The following FUS variants were observed in gnomAD, a reference collection of about 807,000 sequenced individuals.
FUS encodes FUS RNA binding protein.
In FUS, 5 loss-of-function variants were observed where a neutral mutation model predicts 82.7. The ratio of observed to expected loss-of-function variants is 0.06; its 90% confidence interval spans 0.03 to 0.13. The LOEUF (loss-of-function observed/expected upper bound fraction) is 0.13. Ranked by LOEUF, FUS falls within the 10% of genes least tolerant of loss-of-function variation. FUS has a pLI of 1.00. For missense variants in FUS, 512 were observed against 707.8 expected (o/e 0.72, Z 3.14); for synonymous variants, 281 against 247.4 (o/e 1.14, Z -1.27).
intron 1 of FUS, 80 bp downstream of exon 1, chr16:31,180,307 G>C (rs973773422): frequency 3.3e-6 from 5 of 1,530,886 alleles, no homozygotes; most frequent in Non-Finnish European, 4.4e-6. Context: ...CAGTGGGACC[G>C]GGGCGGCGAT....
intron 5 of FUS, 57 bp from the exon 6 acceptor site, chr16:31,184,882 G>A (rs572033732): frequency 6.4e-7 from 1 of 1,574,376 alleles, no homozygotes; most frequent in African/African-American, 1.4e-5. Flanking sequence ...AAACCTTTTA[G>A]TGCTACTTTA....
Position 31,183,861 on chromosome 16 carries a change from G to A in FUS, c.194G>A (p.Gly65Asp), listed in dbSNP as rs2079218084. ...YSSYGQSQNT[G>D]YGTQSTPQGY... ...TCCCTTTTTCTTATCCTGGTAGCAG[G>A]CTATGGAACTCAGTCAACTCCCCAG... The change falls in exon 4 of 15, where the codon GGC becomes GAC. Residue 65 changes from glycine (G) to aspartate (D), a missense_variant. Gly to Asp is a moderately conservative substitution (Grantham distance 94). Coordinates refer to ENST00000254108, the MANE Select transcript of FUS (RefSeq NM_004960.4). The A allele has an allele frequency of 6.2e-7, 1 of 1,613,962 alleles. No homozygotes were observed. Among genetic ancestry groups the A allele is most frequent in the South Asian group, 1.1e-5 (1 of 91,084 alleles).
Position 31,182,404 on chromosome 16 carries a change from C to T in FUS, c.20C>T (p.Thr7Ile). 1 of 1,614,170 alleles carries T rather than the reference C, an allele frequency of 6.2e-7. No individual in the cohort carries two copies. The highest frequency in any genetic ancestry group is 8.5e-7 in the Non-Finnish European group (1 of 1,180,008). The change falls in exon 2 of 15, where the codon ACC (threonine) becomes ATC (isoleucine). Residue 7 changes from threonine to isoleucine, a missense_variant. By Grantham distance (89) the Thr-to-Ile change is moderately conservative. This residue lies in a region of FUS where 276 missense variants were observed against 303.3 expected (regional missense o/e 0.91). Transcript: ENST00000254108. Reference sequence around the variant, plus strand: ...TTGTATTTTTCTTTTGCAGATTATACCCAACAAGCAACCCAAAGGTGAGTG... The same window carrying T: ...TTGTATTTTTCTTTTGCAGATTATATCCAACAAGCAACCCAAAGGTGAGTG... MASNDY[T>I]QQATQSYGAY...
intron 9 of FUS, 113 bp from the exon 10 acceptor site, chr16:31,189,552 G>C (rs1313922120): frequency 3.5e-6 from 5 of 1,430,306 alleles, no homozygotes; most frequent in African/African-American, 1.4e-5. Flanking sequence ...GAAGTAACTG[G>C]GAAGAGGGGA....
chr16:31,190,955 T>C lies in FUS; in HGVS notation c.1394-8T>C. Reference sequence around the variant, plus strand: ...GGAATATGATAGATCTTGTTTCTTTTGTCCTAGGGGGTAACTACGGGGATG... The same window carrying C: ...GGAATATGATAGATCTTGTTTCTTTCGTCCTAGGGGGTAACTACGGGGATG... On this transcript the variant is annotated splice_region_variant and splice_polypyrimidine_tract_variant and intron_variant, in intron 13 of 14. Coordinates refer to ENST00000254108, the MANE Select transcript of FUS (RefSeq NM_004960.4). 1.2e-6 allele frequency: 2 copies of C among 1,610,282 alleles called. No homozygotes were observed. The highest frequency in any genetic ancestry group is 1.7e-6 in the Non-Finnish European group (2 of 1,177,380).
Position 31,190,413 on chromosome 16 carries a change from AT to A in FUS, c.1292+22del, listed in dbSNP as rs572228309. ...TGTCCTAATCCGTGAGTGAAACTTA[AT>A]TTTTTTCTTAGTTCTCTTGCATGCG... On this transcript the variant is annotated intron_variant, in intron 12 of 14. Coordinates refer to ENST00000254108, the MANE Select transcript of FUS (RefSeq NM_004960.4). 1 of 1,613,952 alleles carries A rather than the reference AT, an allele frequency of 6.2e-7. No individual in the cohort carries two copies. Among genetic ancestry groups the A allele is most frequent in the Non-Finnish European group, 8.5e-7 (1 of 1,179,962 alleles).
chr16:31,194,271 C>T (rs1412710581), downstream of FUS: 4 of 530,534 alleles, frequency 7.5e-6, no homozygotes, highest in Admixed American at 2.2e-5. Context: ...GGCATGTCTT[C>T]CTTCCAGTCT....
intron 6 of FUS, chr16:31,185,541 A>G (rs1567473047): frequency 5.4e-6 from 3 of 556,826 alleles, no homozygotes; most frequent in South Asian, 3.1e-5. Flanking sequence ...CTCCTGGGAA[A>G]TAGTAGGGAA....
At chr16:31,189,603 G>T in intron 9 of FUS, 62 bp from the exon 10 acceptor site, 1 of 1,610,772 alleles carries the variant, frequency 6.2e-7, no homozygotes, top group Non-Finnish European at 8.5e-7. Flanking sequence ...TCTAGAGGAA[G>T]AAGATGGAAA....
intron 7 of FUS, chr16:31,187,862 A>G (rs974835012): frequency 2.4e-5 from 6 of 247,338 alleles, no homozygotes; most frequent in African/African-American, 4.4e-5. Context: ...TAAAGATGAA[A>G]TTAAAAATTG....
At chr16:31,184,586 G>A (rs2079233903) in intron 5 of FUS, among the ~76,000 whole-genome samples, 190 bp downstream of exon 5, 1 of 152,120 alleles carries the variant, frequency 6.6e-6, no homozygotes, top group African/African-American at 2.4e-5. Context: ...TGGGACTACA[G>A]GCATCCGCCA....
At position 31,191,347 on chromosome 16, in the gene FUS, G is replaced by A. The variant is rs1375216740; in HGVS notation, c.1542-52G>A. ...CAGATAGGATATCTAGGCTTGGAGA[G>A]GCTGGTAACTCAAATATAATGGATA... On this transcript the variant is annotated intron_variant, in intron 14 of 14. Coordinates refer to ENST00000254108, the MANE Select transcript of FUS (RefSeq NM_004960.4). The A allele has an allele frequency of 3.1e-6, 5 of 1,607,610 alleles. No individual in the cohort carries two copies. The East Asian group carries it at 8.9e-5, about 29-fold the overall frequency.
chr16:31,188,847 TTC>T, intron 8 of FUS: 1 of 517,646 alleles, frequency 1.9e-6, no homozygotes, highest in East Asian at 3.3e-5. Flanking sequence ...TGATGGACTT[TTC>T]TGTGTGGTCT....
downstream of FUS, chr16:31,193,512 C>T: frequency 1.9e-6 from 1 of 529,540 alleles, no homozygotes; most frequent in South Asian, 1.5e-5. Flanking sequence ...CTGATGCCCT[C>T]CTGTTAGGAG....
chr16:31,190,301 G>GGTGGTGGCA lies in FUS; in HGVS notation c.1203_1211dup (p.Ser402_Gly404dup), dbSNP rs1373638313. ...ACCCATGGGCCGTGGAGGCTATGGAGGTGGTGGCAGTGGTGGTGGTGGCCG... is the reference window on the plus strand; with the variant it reads ...ACCCATGGGCCGTGGAGGCTATGGAGGTGGTGGCAGTGGTGGCAGTGGTGGTGGTGGCCG... On this transcript the variant is annotated inframe_insertion, in exon 12 of 15. Transcript: ENST00000254108. The GGTGGTGGCA allele has an allele frequency of 1.2e-6, 2 of 1,614,202 alleles. No individual in the cohort carries two copies. Among genetic ancestry groups the GGTGGTGGCA allele is most frequent in the Non-Finnish European group, 1.7e-6 (2 of 1,180,036 alleles).
Position 31,180,140 on chromosome 16 carries a change from C to A in FUS, c.-75C>A. ...AGCTTCGACGCAGGAGGCGGGGCTGCTCAGTCCTCCAGGCGTCGGTACTCA... is the reference window on the plus strand; with the variant it reads ...AGCTTCGACGCAGGAGGCGGGGCTGATCAGTCCTCCAGGCGTCGGTACTCA... On this transcript the variant is annotated 5_prime_UTR_variant, in exon 1 of 15. Transcript: ENST00000254108. The A allele has an allele frequency of 6.3e-7, 1 of 1,577,040 alleles. No homozygotes were observed. The highest frequency in any genetic ancestry group is 1.1e-5 in the South Asian group (1 of 87,096).
Position 31,184,395 on chromosome 16 carries a change from A to G in FUS, c.522A>G (p.Gly174=). The change falls in exon 5 of 15, where the codon GGA becomes GGG. Residue 174 remains glycine, a splice_region_variant and synonymous_variant. Transcript: ENST00000254108. ...SSGGGGGGGG[G]GNYGQDQSSM... is the part of the protein sequence containing the mutation. ...GTGGTGGAGGTGGAGGTGGAGGTGG[A>G]GGTGAGATGTCTTCAGCTTTGTCTG... 1.9e-6 allele frequency: 3 copies of G among 1,544,988 alleles called. No individual in the cohort carries two copies. Among genetic ancestry groups the G allele is most frequent in the East Asian group, 2.3e-5 (1 of 44,306 alleles).
intron 9 of FUS, 133 bp downstream of exon 9, chr16:31,189,359 T>A: frequency 1.2e-6 from 1 of 840,864 alleles, no homozygotes; most frequent in Non-Finnish European, 2.1e-6. Flanking sequence ...GCTTAATTTG[T>A]TGAGGAAAGA....
intron 1 of FUS, among the ~76,000 whole-genome samples, chr16:31,181,295 T>A (rs575079393): frequency 6.6e-6 from 1 of 152,172 alleles, no homozygotes; most frequent in African/African-American, 2.4e-5. Flanking sequence ...CTTTCCCTTT[T>A]CCTGCGGGGG....
Sources: gnomAD v4.1 joint callset for allele counts (sites outside exome capture counted in the v4.1 genomes callset) on GRCh38, gnomAD v4.1.1 for gene constraint, gnomAD v4.1.1 regional missense constraint, MANE v1.5 for transcripts, NCBI Gene and HGNC (gene_info 2026-07-23, HGNC 2026-07-21) for gene names.